Variants in MAPKAP1 observed in about 807,000 individuals in gnomAD.
The protein encoded by MAPKAP1 is target of rapamycin complex 2 subunit MAPKAP1.
In MAPKAP1, 20 loss-of-function variants were observed where a neutral mutation model predicts 65.7. The ratio of observed to expected loss-of-function variants is 0.30; its 90% confidence interval spans 0.21 to 0.44. MAPKAP1 has a LOEUF of 0.44. Ranked by LOEUF, MAPKAP1 falls within the 20% of genes least tolerant of loss-of-function variation. MAPKAP1 has a pLI of 1.00. For missense variants in MAPKAP1, 423 were observed against 648.0 expected (o/e 0.65, Z 3.77); for synonymous variants, 222 against 244.3 (o/e 0.91, Z 0.85).
At chr9:125,695,828 A>AC (rs1835366520) in intron 1 of MAPKAP1, among the ~76,000 whole-genome samples, 1 of 151,980 alleles carries the variant, frequency 6.6e-6, no homozygotes, top group South Asian at 2.1e-4. Context: ...TCCCGGGTTC[A>AC]ATTGCTTCTC....
At chr9:125,554,362 C>T (rs1252186190) in intron 6 of MAPKAP1, among the ~76,000 whole-genome samples, 1 of 152,048 alleles carries the variant, frequency 6.6e-6, no homozygotes, top group Non-Finnish European at 1.5e-5. Flanking sequence ...ATCTGGTTTA[C>T]CTAGGATGGA....
At chr9:125,575,162 G>A (rs1831355097) in intron 5 of MAPKAP1, among the ~76,000 whole-genome samples, 3 of 152,110 alleles carry the variant, frequency 2.0e-5, no homozygotes, top group Admixed American at 2.0e-4. Flanking sequence ...GACCACCCAA[G>A]GCAACAAAGC....
chr9:125,539,225 T>G (rs1447237152), intron 7 of MAPKAP1, among the ~76,000 whole-genome samples: 1 of 152,190 alleles, frequency 6.6e-6, no homozygotes, highest in Non-Finnish European at 1.5e-5. Flanking sequence ...ATTAACAATA[T>G]TTTAAGAACT....
intron 10 of MAPKAP1, 67 bp downstream of exon 10, chr9:125,467,905 A>G: frequency 6.5e-7 from 1 of 1,539,462 alleles, no homozygotes. Context: ...TTCTCCTGGC[A>G]CCCAGCACAC....
intron 10 of MAPKAP1, among the ~76,000 whole-genome samples, chr9:125,458,008 TTC>T (rs1369180886): frequency 6.6e-6 from 1 of 152,212 alleles, no homozygotes; most frequent in Non-Finnish European, 1.5e-5. Context: ...TTTCCTTGGG[TTC>T]TCTCTTCCTG....
chr9:125,458,662 C>T (rs923005994), intron 10 of MAPKAP1, among the ~76,000 whole-genome samples: 5 of 150,706 alleles, frequency 3.3e-5, no homozygotes, highest in African/African-American at 1.2e-4. Context: ...ATCTTTTCCC[C>T]ACCCCTCCCC....
intron 8 of MAPKAP1, among the ~76,000 whole-genome samples, chr9:125,494,198 C>A (rs1483014018): frequency 1.3e-5 from 2 of 152,092 alleles, no homozygotes; most frequent in Admixed American, 1.3e-4. Flanking sequence ...GCCCCATAAG[C>A]CCAAAACTTC....
At chr9:125,459,157 C>CT (rs1349789522) in intron 10 of MAPKAP1, among the ~76,000 whole-genome samples, 1 of 144,198 alleles carries the variant, frequency 6.9e-6, no homozygotes, top group African/African-American at 2.6e-5. Context: ...CGGGCAGAGG[C>CT]GCTCCTCACA....
At chr9:125,660,802 A>C (rs1344611344) in intron 3 of MAPKAP1, among the ~76,000 whole-genome samples, 1 of 152,200 alleles carries the variant, frequency 6.6e-6, no homozygotes, top group African/African-American at 2.4e-5. Flanking sequence ...AACCCGCTTT[A>C]CTGTTTCTGC....
intron 5 of MAPKAP1, 125 bp from the exon 6 acceptor site, chr9:125,559,934 A>C: frequency 2.2e-6 from 2 of 917,112 alleles, no homozygotes; most frequent in Non-Finnish European, 1.6e-6. Context: ...CTGGTGATAC[A>C]GTAAAAAATC....
rs35867576 is a variant in MAPKAP1 at position 125,503,880 on chromosome 9, C to CTTTTTTT, written c.1066+2423_1066+2429dup. On this transcript the variant is annotated intron_variant, in intron 8 of 11. Transcript: ENST00000265960. ...TATAGGCACCCGCCACCACGCTTGG[C>CTTTTTTT]TTTTTTTTTTTTTTTTTTTTTTTTT... 5.0e-3 allele frequency among the ~76,000 whole-genome samples: 332 copies of CTTTTTTT among 66,198 alleles called. 26 individuals are homozygous for CTTTTTTT. Among genetic ancestry groups the CTTTTTTT allele is most frequent in the East Asian group, 0.023 (35 of 1,530 alleles). 43.4% of individuals were successfully genotyped at this position (66,198 alleles called of 152,430 possible). A position where few individuals can be genotyped will look rare whatever the true frequency, so the allele number is the denominator to read the frequency against.
intron 5 of MAPKAP1, among the ~76,000 whole-genome samples, chr9:125,578,485 A>T (rs1358125414): frequency 6.6e-6 from 1 of 152,248 alleles, no homozygotes; most frequent in Non-Finnish European, 1.5e-5. Context: ...TATGAAATGA[A>T]AATCACTTAC....
At chr9:125,606,031 T>A (rs117557407) in intron 4 of MAPKAP1, among the ~76,000 whole-genome samples, 3,237 of 152,306 alleles carry the variant, frequency 0.021, 133 homozygotes, top group Non-Finnish European at 0.021. Context: ...CAATCTGTTT[T>A]AGCAGCTAGC....
Position 125,447,230 on chromosome 9 carries a change from AG to A in MAPKAP1, c.1346-2633del, listed in dbSNP as rs1200951908. Reference sequence around the variant, plus strand: ...GCTCATTCCAGCACCCATCTGAGGAAGAGTGAAGCAGGTGAGGAGGAGGAAG... The same window carrying A: ...GCTCATTCCAGCACCCATCTGAGGAAAGTGAAGCAGGTGAGGAGGAGGAAG... On this transcript the variant is annotated intron_variant, in intron 10 of 11. Transcript: ENST00000265960. The surrounding 1 kb of genome is among the most constrained non-coding windows in gnomAD (Gnocchi z 4.5). The A allele has an allele frequency of 5.5e-6, 2 of 365,926 alleles. No individual in the cohort carries two copies. Among genetic ancestry groups the A allele is most frequent in the African/African-American group, 4.2e-5 (2 of 47,488 alleles). The allele number at this position is 365,926 out of a possible 1,614,324, so 22.7% of individuals were successfully genotyped here.
intron 5 of MAPKAP1, among the ~76,000 whole-genome samples, chr9:125,567,250 G>C (rs1422533884): frequency 6.6e-6 from 1 of 152,208 alleles, no homozygotes; most frequent in Admixed American, 6.5e-5. Flanking sequence ...GTAAAATGAG[G>C]CTGAAACCTA....
chr9:125,496,286 A>G (rs1854943098), intron 8 of MAPKAP1, among the ~76,000 whole-genome samples: 2 of 152,222 alleles, frequency 1.3e-5, no homozygotes, highest in Non-Finnish European at 2.9e-5. Context: ...ACAGGGAGCT[A>G]TTATGCAATA....
Position 125,447,329 on chromosome 9 carries a change from T to A in MAPKAP1, c.1346-2731A>T, listed in dbSNP as rs370834683. On this transcript the variant is annotated intron_variant, in intron 10 of 11. Coordinates refer to ENST00000265960, the MANE Select transcript of MAPKAP1 (RefSeq NM_001006617.3). This position sits in a 1 kb window ranked among gnomAD's most constrained non-coding sequence, Gnocchi z 4.5. The stretch of plus-strand genomic sequence containing the variant: ...CTTTCCAGTGAAAGCACTCACGCCA[T>A]AGGAGAGGGGAACAGAGGGCAGAGA... 4.4e-6 allele frequency: 2 copies of A among 451,320 alleles called. No individual in the cohort carries two copies. The highest frequency in any genetic ancestry group is 3.1e-5 in the South Asian group (2 of 63,660). The allele number at this position is 451,320 out of a possible 1,614,324, so 28.0% of individuals were successfully genotyped here.
At chr9:125,450,199 T>C (rs1852890347) in intron 10 of MAPKAP1, among the ~76,000 whole-genome samples, 1 of 152,158 alleles carries the variant, frequency 6.6e-6, no homozygotes. Flanking sequence ...GAGCTGGAGC[T>C]GCCAGAATGA....
At chr9:125,650,782 A>T (rs1478705494) in intron 4 of MAPKAP1, among the ~76,000 whole-genome samples, 1 of 152,206 alleles carries the variant, frequency 6.6e-6, no homozygotes, top group Non-Finnish European at 1.5e-5. Context: ...TTTAACTTCT[A>T]TGAGAAGTAG....
Sources: gnomAD v4.1 joint callset for allele counts (sites outside exome capture counted in the v4.1 genomes callset) on GRCh38, gnomAD v4.1.1 for gene constraint, Gnocchi (gnomAD v3.1) non-coding constraint, MANE v1.5 for transcripts, NCBI Gene and HGNC (gene_info 2026-07-23, HGNC 2026-07-21) for gene names.